Variants in SIPA1L3 observed in about 807,000 individuals in gnomAD.
SIPA1L3 encodes signal induced proliferation associated 1 like 3.
Under a neutral mutation model 150.1 loss-of-function variants are expected in SIPA1L3, and 59 were observed. The observed-to-expected ratio is 0.39, with a 90% CI of 0.32 to 0.49. SIPA1L3 has a LOEUF of 0.49. Among genes scored for constraint, SIPA1L3 ranks in the 20% least tolerant of loss-of-function variants. The pLI is 0.86. For synonymous variants in SIPA1L3, 1,070 were observed against 1,077.6 expected, an observed-to-expected ratio of 0.99 and a Z score of 0.14; for missense variants, 2,211 against 2,489.5, an observed-to-expected ratio of 0.89 and a Z score of 2.38.
intron 1 of SIPA1L3, among the ~76,000 whole-genome samples, chr19:37,914,010 G>A (rs2046396222): frequency 1.7e-5 from 2 of 121,070 alleles, no homozygotes; most frequent in Admixed American, 9.3e-5. Context: ...GGGCGGCAGA[G>A]TGAGAGGCCG....
intron 2 of SIPA1L3, among the ~76,000 whole-genome samples, chr19:38,043,386 G>T (rs1224711459): frequency 1.2e-4 from 19 of 152,176 alleles, no homozygotes; most frequent in Admixed American, 1.2e-3. Context: ...GAAAGAAATA[G>T]AGAAAAAGCG....
chr19:38,092,852 ATTTTTTTTTT>A (rs56232582), intron 4 of SIPA1L3, among the ~76,000 whole-genome samples: 3 of 115,952 alleles, frequency 2.6e-5, no homozygotes, highest in African/African-American at 1.0e-4. Context: ...AGGTGCTTAG[ATTTTTTTTTT>A]TTTTTTTTTT....
intron 2 of SIPA1L3, among the ~76,000 whole-genome samples, chr19:38,070,200 CTAT>C (rs1329531237): frequency 6.6e-6 from 1 of 151,110 alleles, no homozygotes; most frequent in East Asian, 2.0e-4. Context: ...TCCTATCTAT[CTAT>C]CTATCTATCT....
chr19:38,041,097 T>G (rs1968909236), intron 2 of SIPA1L3, among the ~76,000 whole-genome samples: 1 of 137,524 alleles, frequency 7.3e-6, no homozygotes, highest in South Asian at 2.3e-4. Context: ...TTTATTTATT[T>G]TATTATTATT....
chr19:38,182,198 C>T (rs973534841), intron 15 of SIPA1L3, among the ~76,000 whole-genome samples: 10 of 151,186 alleles, frequency 6.6e-5, no homozygotes, highest in Non-Finnish European at 1.5e-4. Flanking sequence ...AGTTCCCTGT[C>T]GAGATGGGCA....
chr19:37,925,121 A>G (rs2046491326), intron 1 of SIPA1L3, among the ~76,000 whole-genome samples: 1 of 152,088 alleles, frequency 6.6e-6, no homozygotes. Flanking sequence ...GACTGGAAGC[A>G]CAGTAGGTTT....
At chr19:38,187,176 G>T (rs942638928) in intron 16 of SIPA1L3, among the ~76,000 whole-genome samples, 1 of 151,690 alleles carries the variant, frequency 6.6e-6, no homozygotes, top group African/African-American at 2.4e-5. Flanking sequence ...TTTCAGCCAG[G>T]CGTGGTAGCT....
chr19:38,106,561 T>G lies in SIPA1L3; in HGVS notation c.2054T>G (p.Leu685Arg), dbSNP rs1478019451. Residue 685 changes from leucine to arginine, a missense_variant, in exon 7 of 22, where the codon CTC (leucine) becomes CGC (arginine). Around this residue, in one of 5 missense-constraint regions of SIPA1L3, gnomAD observed 625 missense variants for 804.2 expected, o/e 0.78. Transcript: ENST00000222345. Reference protein sequence around the residue: ...VKTDSTGTHSLYTMYQDYEIM... With the variant: ...VKTDSTGTHSRYTMYQDYEIM... ...GCCGACTCCACGGGAACCCACTCCC[T>G]CTACACGATGTACCAGGACTACGAG... 1 of 1,613,710 alleles carries G rather than the reference T, an allele frequency of 6.2e-7. No homozygotes were observed. Among genetic ancestry groups the G allele is most frequent in the African/African-American group, 1.3e-5 (1 of 74,886 alleles).
rs772238338 is a variant in SIPA1L3 at position 38,198,492 on chromosome 19, C to G, written c.4944C>G (p.Leu1648=). The G allele has an allele frequency of 1.2e-6, 2 of 1,601,632 alleles. No homozygotes were observed. Among genetic ancestry groups the G allele is most frequent in the South Asian group, 1.1e-5 (1 of 89,436 alleles). The change falls in exon 19 of 22, where the codon CTC becomes CTG. Residue 1648 remains leucine, a synonymous_variant. Transcript: ENST00000222345. ...LMPLPDTAAG[L]EWSSLVNAAK... is the part of the protein sequence containing the mutation. The stretch of plus-strand genomic sequence containing the variant: ...CCCTGCCTGACACAGCTGCTGGCCT[C>G]GAGTGGTCCAGCCTGGTGAACGCAG...
rs75068855 is a variant in SIPA1L3, at chr19:37,933,907, A to C, written c.-379+26549A>C. Among the ~76,000 whole-genome samples the C allele has an allele frequency of 3.8e-4, 58 of 152,306 alleles. No homozygotes were observed. In the East Asian group the frequency reaches 0.011, roughly 28 times the overall value. ...GAAGACTGTGTGGAAGATACCACCC[A>C]TATACACACATCTCATATGTATCTC... is the stretch of plus-strand genomic sequence containing the variant. On this transcript the variant is annotated intron_variant, in intron 1 of 21. Coordinates refer to ENST00000222345, the MANE Select transcript of SIPA1L3 (RefSeq NM_015073.3).
At position 38,065,905 on chromosome 19, in the gene SIPA1L3, A is replaced by G. The variant is rs995121405; in HGVS notation, c.-310-15351A>G. Among the ~76,000 whole-genome samples, 102 of 124,268 alleles carry G rather than the reference A, an allele frequency of 8.2e-4. 4 individuals are homozygous for G. Among genetic ancestry groups the G allele is most frequent in the African/African-American group, 2.7e-3 (82 of 30,718 alleles). 81.5% of individuals were successfully genotyped at this position (124,268 alleles called of 152,430 possible). On this transcript the variant is annotated intron_variant, in intron 2 of 21. Transcript: ENST00000222345. ...CTCTGTTGCCCGGGTTTGATCTCTT[A>G]TTTATTTATCTATTTATTTATTTAT... is the stretch of plus-strand genomic sequence containing the variant.
At chr19:38,062,192 G>C (rs1360122744) in intron 2 of SIPA1L3, among the ~76,000 whole-genome samples, 1 of 152,102 alleles carries the variant, frequency 6.6e-6, no homozygotes, top group Non-Finnish European at 1.5e-5. Context: ...TTTGATCCTA[G>C]GCAATCTGGC....
intron 1 of SIPA1L3, among the ~76,000 whole-genome samples, chr19:37,987,525 C>G (rs1397696583): frequency 1.3e-5 from 2 of 152,226 alleles, no homozygotes; most frequent in Non-Finnish European, 2.9e-5. Context: ...TCCCTGGCCT[C>G]TACCCACTAG....
chr19:38,002,085 G>T (rs1356614622), intron 1 of SIPA1L3, among the ~76,000 whole-genome samples: 2 of 152,168 alleles, frequency 1.3e-5, no homozygotes, highest in East Asian at 3.8e-4. Flanking sequence ...TACCTTACGT[G>T]TGCAGTTCAG....
intron 10 of SIPA1L3, among the ~76,000 whole-genome samples, chr19:38,140,078 A>G (rs1971536967): frequency 6.6e-6 from 1 of 152,126 alleles, no homozygotes. Flanking sequence ...CACCATATCC[A>G]CCAGATCTTT....
rs368966925 is a variant in SIPA1L3, at chr19:38,081,785, A to G, written c.220A>G (p.Met74Val). Reference protein sequence around the residue: ...TTRPSPTTPAMPKMGVRARVA... With the variant: ...TTRPSPTTPAVPKMGVRARVA... ...CCGCCCCAGCCCCACCACTCCCGCA[A>G]TGCCCAAGATGGGCGTGCGCGCAAG... The change falls in exon 3 of 22, where the codon ATG becomes GTG. Residue 74 changes from methionine (M) to valine (V), a missense_variant. Physicochemically the swap from Met to Val is conservative, Grantham distance 21. Coordinates refer to ENST00000222345, the MANE Select transcript of SIPA1L3 (RefSeq NM_015073.3). 6 of 1,611,828 alleles carry G rather than the reference A, an allele frequency of 3.7e-6. No homozygotes were observed. In the African/African-American group the frequency reaches 6.7e-5, roughly 18 times the overall value.
At chr19:38,016,726 C>T (rs1968240535) in intron 1 of SIPA1L3, among the ~76,000 whole-genome samples, 1 of 151,800 alleles carries the variant, frequency 6.6e-6, no homozygotes, top group South Asian at 2.1e-4. Context: ...CTCCTGACCT[C>T]AAGTGATCCT....
chr19:37,985,441 T>C (rs1375285346), intron 1 of SIPA1L3, among the ~76,000 whole-genome samples: 1 of 151,678 alleles, frequency 6.6e-6, no homozygotes, highest in Non-Finnish European at 1.5e-5. Context: ...GACAGGAGGA[T>C]CACTTGAAGC....
At chr19:38,087,686 C>T (rs909364827) in intron 3 of SIPA1L3, 1 of 152,262 alleles carries the variant, frequency 6.6e-6, no homozygotes, top group African/African-American at 2.4e-5. Flanking sequence ...GGAGGTGTGT[C>T]CCATGCCTGG....
Sources: allele counts gnomAD v4.1 joint callset (sites outside exome capture counted in the v4.1 genomes callset), GRCh38; gene constraint gnomAD v4.1.1; regional missense constraint gnomAD v4.1.1; transcripts MANE v1.5; gene names NCBI Gene and HGNC (gene_info 2026-07-23, HGNC 2026-07-21).